Variants in NFAT5 observed in about 807,000 individuals in gnomAD.
NFAT5 encodes the protein nuclear factor of activated T-cells 5.
In NFAT5, 31 loss-of-function variants were observed where a neutral mutation model predicts 166.5. The ratio of observed to expected loss-of-function variants is 0.19; its 90% CI spans 0.14 to 0.25. NFAT5 has a LOEUF of 0.25. Ranked by LOEUF, NFAT5 falls within the 10% of genes least tolerant of loss-of-function variation. The pLI is 1.00. For missense variants in NFAT5, 1,449 were observed against 1,821.8 expected, an observed-to-expected ratio of 0.80 and a Z score of 3.72; for synonymous variants, 612 against 639.7, an observed-to-expected ratio of 0.96 and a Z score of 0.65.
chr16:69,686,961 G>A (rs1472634846), intron 11 of NFAT5, among the ~76,000 whole-genome samples: 1 of 152,178 alleles, frequency 6.6e-6, no homozygotes, highest in Non-Finnish European at 1.5e-5. Flanking sequence ...CCAGCTTGAT[G>A]TTCTTAGAGC....
At chr16:69,596,637 G>A (rs1463389109) in intron 2 of NFAT5, among the ~76,000 whole-genome samples, 1 of 151,036 alleles carries the variant, frequency 6.6e-6, no homozygotes, top group Non-Finnish European at 1.5e-5. Flanking sequence ...AGAATCGCTT[G>A]AACCCGGGAG....
chr16:69,675,850 A>G (rs1175652001), intron 9 of NFAT5, among the ~76,000 whole-genome samples: 1 of 152,186 alleles, frequency 6.6e-6, no homozygotes, highest in Non-Finnish European at 1.5e-5. Context: ...CATGTTAACC[A>G]GGCTGTTCTC....
intron 2 of NFAT5, among the ~76,000 whole-genome samples, chr16:69,617,868 T>C (rs2034024587): frequency 6.6e-6 from 1 of 152,020 alleles, no homozygotes; most frequent in African/African-American, 2.4e-5. Flanking sequence ...TTAAATTGTC[T>C]GTGGAAGGCC....
intron 6 of NFAT5, among the ~76,000 whole-genome samples, chr16:69,656,995 G>T (rs899845088): frequency 2.1e-4 from 32 of 152,126 alleles, no homozygotes; most frequent in African/African-American, 7.2e-4. Flanking sequence ...TATTGGTATG[G>T]GGTAGATCTA....
In NFAT5 at chr16:69,697,826, C is replaced by T. The variant is rs1001333449; in HGVS notation, c.*1475C>T. 1.3e-5 allele frequency: 2 copies of T among 152,518 alleles called. No homozygotes were observed. Among genetic ancestry groups the T allele is most frequent in the Admixed American group, 6.5e-5 (1 of 15,270 alleles). The allele number at this position is 152,518 out of a possible 1,614,324, so 9.4% of individuals were successfully genotyped here. On this transcript the variant is annotated 3_prime_UTR_variant, in exon 15 of 15. Transcript: ENST00000349945. ...AGCTGTCAATGCAGTGTAAGGCCAA[C>T]GTGTGTGTGGCTTCTATGTGTTGAG...
At chr16:69,622,983 T>A (rs1567548689) in intron 2 of NFAT5, among the ~76,000 whole-genome samples, 1 of 152,076 alleles carries the variant, frequency 6.6e-6, no homozygotes, top group African/African-American at 2.4e-5. Context: ...CCGTCTCTAT[T>A]AAGAATACAA....
At chr16:69,683,435 G>C (rs2037154897) in intron 10 of NFAT5, among the ~76,000 whole-genome samples, 1 of 152,104 alleles carries the variant, frequency 6.6e-6, no homozygotes, top group African/African-American at 2.4e-5. Context: ...AGGAGGCTGA[G>C]GTGGGTGATG....
rs769499907 is a variant in NFAT5, at chr16:69,692,804, A to C, written c.2979A>C (p.Ala993=). 35 of 1,614,246 alleles carry C rather than the reference A, an allele frequency of 2.2e-5. No homozygotes were observed. The Admixed American group carries it at 5.5e-4, about 25-fold the overall frequency. Residue 993 remains alanine (A), a synonymous_variant, in exon 13 of 15, where the codon GCA becomes GCC. Transcript: ENST00000349945. The stretch of plus-strand genomic sequence containing the variant: ...CTACAACTACCACACAGCAGGTTGC[A>C]ACCCCTGGCACTACCATGTTTCAGA... ...ETSTTTTQQV[A]TPGTTMFQTS...
chr16:69,599,588 G>T (rs1013158682), intron 2 of NFAT5, among the ~76,000 whole-genome samples: 10 of 152,052 alleles, frequency 6.6e-5, no homozygotes, highest in African/African-American at 2.4e-4. Flanking sequence ...ATAAAATAAT[G>T]TTGGGAGTGA....
intron 2 of NFAT5, among the ~76,000 whole-genome samples, chr16:69,572,289 C>T (rs980137569): frequency 6.6e-6 from 1 of 152,126 alleles, no homozygotes; most frequent in African/African-American, 2.4e-5. Flanking sequence ...TAACATGTGA[C>T]ACTCTTAATA....
chr16:69,584,453 T>C (rs1181413880), intron 2 of NFAT5, among the ~76,000 whole-genome samples: 1 of 151,854 alleles, frequency 6.6e-6, no homozygotes, highest in East Asian at 1.9e-4. Flanking sequence ...CTCAGCCTCC[T>C]GAGCAGCTGG....
At chr16:69,658,674 A>G (rs72783105) in intron 6 of NFAT5, among the ~76,000 whole-genome samples, 8,989 of 149,814 alleles carry the variant, frequency 0.06, 287 homozygotes, top group Middle Eastern at 0.12. Context: ...CTAAAAATAC[A>G]AAAGTGAGCT....
chr16:69,586,075 C>T (rs997230275), intron 2 of NFAT5, among the ~76,000 whole-genome samples: 27 of 152,072 alleles, frequency 1.8e-4, no homozygotes, highest in Non-Finnish European at 3.4e-4. Flanking sequence ...GAGTAAGATG[C>T]ACTACTTTTT....
chr16:69,587,987 C>T (rs902313898), intron 2 of NFAT5, among the ~76,000 whole-genome samples: 6 of 110,202 alleles, frequency 5.4e-5, no homozygotes, highest in Admixed American at 1.3e-4. Context: ...GAGTCTCACT[C>T]TATTGCCCAG....
At chr16:69,613,930 A>G (rs748651618) in intron 2 of NFAT5, among the ~76,000 whole-genome samples, 23 of 152,254 alleles carry the variant, frequency 1.5e-4, no homozygotes, top group Non-Finnish European at 2.9e-4. Flanking sequence ...GAGCTGGCAT[A>G]GACAAAAATA....
At chr16:69,626,360 C>T (rs982872629) in intron 2 of NFAT5, 43 bp from the exon 3 acceptor site, 14 of 1,540,446 alleles carry the variant, frequency 9.1e-6, no homozygotes, top group Non-Finnish European at 1.2e-5. Context: ...TTGACTGAAT[C>T]TCTTTTAAAA....
chr16:69,646,071 A>G (rs1271916349), intron 3 of NFAT5, among the ~76,000 whole-genome samples: 1 of 152,184 alleles, frequency 6.6e-6, no homozygotes, highest in Non-Finnish European at 1.5e-5. Flanking sequence ...AGTAAAATTT[A>G]CCATTGTTCT....
At chr16:69,608,612 A>G (rs1380241449) in intron 2 of NFAT5, among the ~76,000 whole-genome samples, 1 of 149,832 alleles carries the variant, frequency 6.7e-6, no homozygotes, top group Non-Finnish European at 1.5e-5. Flanking sequence ...TATATTGAAA[A>G]TTATCTACCA....
At chr16:69,689,888 A>T (rs2151714447) in intron 11 of NFAT5, among the ~76,000 whole-genome samples, 1 of 152,328 alleles carries the variant, frequency 6.6e-6, no homozygotes, top group Non-Finnish European at 1.5e-5. Context: ...AAATTTATGA[A>T]GGGAGCGATC....
Sources: allele counts gnomAD v4.1 joint callset (sites outside exome capture counted in the v4.1 genomes callset), GRCh38; gene constraint gnomAD v4.1.1; transcripts MANE v1.5; gene names NCBI Gene and HGNC (gene_info 2026-07-23, HGNC 2026-07-21).